Variants in POGZ observed in about 807,000 individuals in gnomAD.
The protein encoded by POGZ is pogo transposable element derived with ZNF domain.
In POGZ, 17 loss-of-function variants were observed where a neutral mutation model predicts 134.6. The observed-to-expected ratio is 0.13, with a 90% CI of 0.09 to 0.19. The LOEUF (loss-of-function observed/expected upper bound fraction) is 0.19. Ranked by LOEUF, POGZ falls within the 10% of genes least tolerant of loss-of-function variation. POGZ has a pLI of 1.00. For synonymous variants in POGZ, 693 were observed against 657.1 expected, an observed-to-expected ratio of 1.05 and a Z score of -0.84; for missense variants, 1,306 against 1,769.7, an observed-to-expected ratio of 0.74 and a Z score of 4.70.
Position 151,408,244 on chromosome 1 carries a change from T to C in POGZ, c.2235-4A>G, listed in dbSNP as rs1359762248. 1 of 1,601,716 alleles carries C rather than the reference T, an allele frequency of 6.2e-7. No homozygotes were observed. Among genetic ancestry groups the C allele is most frequent in the East Asian group, 2.2e-5 (1 of 44,782 alleles). ...TGTCTGCCGGCCCATGACACTCCTG[T>C]GGGGGAAAAAAAAAAAGAATTCTCA... On this transcript the variant is annotated splice_polypyrimidine_tract_variant and splice_region_variant and intron_variant, in intron 14 of 18. Coordinates refer to ENST00000271715, the MANE Select transcript of POGZ (RefSeq NM_015100.4).
chr1:151,458,150 A>G (rs1662992824), intron 1 of POGZ, among the ~76,000 whole-genome samples: 1 of 152,130 alleles, frequency 6.6e-6, no homozygotes, highest in Admixed American at 6.6e-5. Flanking sequence ...AATGTCTAAG[A>G]CAAGTGCTAC....
intron 3 of POGZ, among the ~76,000 whole-genome samples, chr1:151,435,294 T>C (rs1415051980): frequency 6.6e-6 from 1 of 152,228 alleles, no homozygotes; most frequent in East Asian, 1.9e-4. Flanking sequence ...TTAGTTATAC[T>C]GTAAGAAATT....
chr1:151,420,414 T>G (rs1557895093), intron 10 of POGZ, among the ~76,000 whole-genome samples: 1 of 151,974 alleles, frequency 6.6e-6, no homozygotes, highest in Non-Finnish European at 1.5e-5. Flanking sequence ...CCTACTGGGC[T>G]CAAGCAATCC....
Position 151,437,424 on chromosome 1 carries a change from C to T in POGZ, c.283+3504G>A, listed in dbSNP as rs550644107. Among the ~76,000 whole-genome samples, 6 of 152,144 alleles carry T rather than the reference C, an allele frequency of 3.9e-5. No individual in the cohort carries two copies. In the South Asian group the frequency reaches 1.2e-3, roughly 31 times the overall value. On this transcript the variant is annotated intron_variant, in intron 3 of 18. Coordinates refer to ENST00000271715, the MANE Select transcript of POGZ (RefSeq NM_015100.4). ...AAATTTCTAAACTTTTTAAAGTACACTAAGTGAAACAATACTGAATTGTTT... is the reference window on the plus strand; with the variant it reads ...AAATTTCTAAACTTTTTAAAGTACATTAAGTGAAACAATACTGAATTGTTT...
Position 151,456,727 on chromosome 1 carries a change from T to C in POGZ, c.-2+2425A>G, listed in dbSNP as rs957472874. ...CAGCACTTTGGGACGCCGAGGCAGGTGGATCGCCTGAGGTCCGGAGTTCGA... is the reference window on the plus strand; with the variant it reads ...CAGCACTTTGGGACGCCGAGGCAGGCGGATCGCCTGAGGTCCGGAGTTCGA... On this transcript the variant is annotated intron_variant, in intron 1 of 18. Transcript: ENST00000271715. Among the ~76,000 whole-genome samples, 10 of 152,172 alleles carry C rather than the reference T, an allele frequency of 6.6e-5. No individual in the cohort carries two copies. In the South Asian group the frequency reaches 1.2e-3, roughly 19 times the overall value.
At chr1:151,459,093 G>A (rs908226661) in intron 1 of POGZ, 59 bp downstream of exon 1, 5 of 147,370 alleles carry the variant, frequency 3.4e-5, no homozygotes, top group Admixed American at 1.3e-4. Context: ...CGAGCGAAAA[G>A]ATAACGGAAC....
chr1:151,458,042 T>C (rs1315617873), intron 1 of POGZ, among the ~76,000 whole-genome samples: 2 of 151,984 alleles, frequency 1.3e-5, no homozygotes, highest in East Asian at 3.9e-4. Context: ...GCGGCTGCTG[T>C]GAGATAGTCC....
intron 1 of POGZ, among the ~76,000 whole-genome samples, chr1:151,445,623 TAGA>T (rs1661163275): frequency 6.6e-6 from 1 of 150,560 alleles, no homozygotes; most frequent in Non-Finnish European, 1.5e-5. Flanking sequence ...TTAAACAACA[TAGA>T]AGATGGAGTT....
rs141219743 is a variant in POGZ, at chr1:151,405,180, C to T, written c.3855G>A (p.Arg1285=). 4 of 1,614,204 alleles carry T rather than the reference C, an allele frequency of 2.5e-6. No homozygotes were observed. The highest frequency in any genetic ancestry group is 3.4e-6 in the Non-Finnish European group (4 of 1,180,034). Residue 1285 remains arginine, a synonymous_variant, in exon 19 of 19, where the codon CGG becomes CGA. Transcript: ENST00000271715. This position sits in a 1 kb window ranked among gnomAD's most constrained non-coding sequence, Gnocchi z 4.9. ...FLHKKWKEQA[R]EMADTACDSD... is the part of the protein sequence containing the mutation. ...AATCACATGCAGTATCTGCCATTTC[C>T]CGAGCCTGTTCCTTCCATTTTTTAT...
rs563195406 is a variant in POGZ, at chr1:151,404,193, A to G, written c.*609T>C. Reference sequence around the variant, plus strand: ...GGAGAGGGAAGGAAAGAAAAGGAGAAGGAAGAGAGAGTTCAGTGGGACTTT... The same window carrying G: ...GGAGAGGGAAGGAAAGAAAAGGAGAGGGAAGAGAGAGTTCAGTGGGACTTT... On this transcript the variant is annotated 3_prime_UTR_variant, in exon 19 of 19. Transcript: ENST00000271715. 1.0e-6 allele frequency: 1 copy of G among 985,698 alleles called. No individual in the cohort carries two copies. Among genetic ancestry groups the G allele is most frequent in the African/African-American group, 1.7e-5 (1 of 57,354 alleles). 61.1% of individuals were successfully genotyped at this position (985,698 alleles called of 1,614,324 possible).
chr1:151,411,024 T>A (rs1328904284), intron 12 of POGZ, among the ~76,000 whole-genome samples: 1 of 152,228 alleles, frequency 6.6e-6, no homozygotes, highest in African/African-American at 2.4e-5. Flanking sequence ...TTTCCCTAAC[T>A]GTAGTCTCAA....
Position 151,404,286 on chromosome 1 carries a change from T to TAA in POGZ, c.*514_*515dup. ...GAAAAAAGTTTTTTATCCATATATA[T>TAA]AATAAACCAGTTTGTGAGCTACATA... is the stretch of plus-strand genomic sequence containing the variant. On this transcript the variant is annotated 3_prime_UTR_variant, in exon 19 of 19. Transcript: ENST00000271715. 1.0e-6 allele frequency: 1 copy of TAA among 983,838 alleles called. No individual in the cohort carries two copies. Among genetic ancestry groups the TAA allele is most frequent in the Non-Finnish European group, 1.2e-6 (1 of 828,138 alleles). The allele number at this position is 983,838 out of a possible 1,614,324, so 60.9% of individuals were successfully genotyped here. A position where few individuals can be genotyped will look rare whatever the true frequency, so the allele number is the denominator to read the frequency against.
At chr1:151,412,921 G>A (rs1420760179) in intron 10 of POGZ, among the ~76,000 whole-genome samples, 2 of 151,922 alleles carry the variant, frequency 1.3e-5, no homozygotes, top group Non-Finnish European at 1.5e-5. Context: ...ATTTTGTCAA[G>A]CTTATGAGAA....
intron 1 of POGZ, among the ~76,000 whole-genome samples, 188 bp downstream of exon 1, chr1:151,458,942 CGCCGCACCCCGCGGCCGCCCCT>C (rs1383830347): frequency 2.8e-5 from 4 of 144,826 alleles, no homozygotes; most frequent in Admixed American, 2.7e-4. Flanking sequence ...CGCGCTCGCG[CGCCGCACCCCGCGGCCGCCCCT>C]GCCGCGGGCC....
chr1:151,449,006 A>G (rs1661656698), intron 1 of POGZ, among the ~76,000 whole-genome samples: 1 of 152,230 alleles, frequency 6.6e-6, no homozygotes, highest in Admixed American at 6.5e-5. Context: ...AAGCAAATGC[A>G]TGAGGGGGTG....
At chr1:151,443,421 C>A (rs970943027) in intron 1 of POGZ, among the ~76,000 whole-genome samples, 5 of 152,152 alleles carry the variant, frequency 3.3e-5, no homozygotes, top group Admixed American at 1.3e-4. Context: ...AAGTCTGAGC[C>A]GGGTGCAGTG....
intron 1 of POGZ, chr1:151,454,944 G>A (rs902713436): frequency 6.6e-6 from 1 of 151,942 alleles, no homozygotes; most frequent in African/African-American, 2.4e-5. Flanking sequence ...CCCATCTCTA[G>A]AAAAATACAA....
intron 3 of POGZ, among the ~76,000 whole-genome samples, chr1:151,436,847 C>G (rs1659665493): frequency 1.3e-5 from 2 of 152,214 alleles, no homozygotes; most frequent in South Asian, 4.1e-4. Context: ...TTTCCATTCT[C>G]TTGGGTATAC....
chr1:151,458,455 T>C (rs1405384500), intron 1 of POGZ, among the ~76,000 whole-genome samples: 2 of 152,036 alleles, frequency 1.3e-5, no homozygotes, highest in South Asian at 2.1e-4. Context: ...TAGGATGTAC[T>C]ATTAGACCAA....
Sources: allele counts gnomAD v4.1 joint callset (sites outside exome capture counted in the v4.1 genomes callset), GRCh38; gene constraint gnomAD v4.1.1; non-coding constraint Gnocchi (gnomAD v3.1); transcripts MANE v1.5; gene names NCBI Gene and HGNC (gene_info 2026-07-23, HGNC 2026-07-21).